Variants in B3GLCT observed in about 807,000 individuals in gnomAD.
The protein encoded by B3GLCT is beta 3-glucosyltransferase.
Under a neutral mutation model 63.4 loss-of-function variants are expected in B3GLCT, and 65 were observed. The ratio of observed to expected loss-of-function variants is 1.03; its 90% confidence interval spans 0.84 to 1.26. The LOEUF (loss-of-function observed/expected upper bound fraction) is 1.26. Among genes scored for constraint, B3GLCT ranks in the 50% most tolerant of loss-of-function variants. The probability of loss-of-function intolerance (pLI) is 0.00; values close to 1 mark genes in which losing one functional copy is unlikely to be tolerated. For synonymous variants in B3GLCT, 233 were observed against 219.2 expected, an observed-to-expected ratio of 1.06 and a Z score of -0.55; for missense variants, 577 against 604.8, an observed-to-expected ratio of 0.95 and a Z score of 0.48.
At chr13:31,277,797 C>G (rs1872871694) in intron 10 of B3GLCT, among the ~76,000 whole-genome samples, 1 of 152,060 alleles carries the variant, frequency 6.6e-6, no homozygotes, top group Non-Finnish European at 1.5e-5. Context: ...AATACATTAA[C>G]TATAAACCTT....
At chr13:31,266,154 C>T (rs567728296) in intron 7 of B3GLCT, among the ~76,000 whole-genome samples, 3 of 152,226 alleles carry the variant, frequency 2.0e-5, no homozygotes, top group East Asian at 3.9e-4. Context: ...CCCGCCACCA[C>T]ACCCGCCTAA....
chr13:31,267,316 G>A (rs1872372532), intron 7 of B3GLCT, among the ~76,000 whole-genome samples: 1 of 152,178 alleles, frequency 6.6e-6, no homozygotes, highest in Non-Finnish European at 1.5e-5. Flanking sequence ...AATAAGCCCG[G>A]GTATGACTTT....
chr13:31,210,178 G>T (rs1290890339), intron 1 of B3GLCT, among the ~76,000 whole-genome samples: 2 of 152,164 alleles, frequency 1.3e-5, no homozygotes, highest in Non-Finnish European at 2.9e-5. Context: ...CATGAAAAAG[G>T]TCTGATTTCT....
chr13:31,321,001 T>A (rs1335045410), intron 13 of B3GLCT, among the ~76,000 whole-genome samples: 1 of 152,260 alleles, frequency 6.6e-6, no homozygotes, highest in Non-Finnish European at 1.5e-5. Flanking sequence ...CAAACCATTA[T>A]CATTTAATTG....
At chr13:31,205,991 A>G (rs1868930244) in intron 1 of B3GLCT, among the ~76,000 whole-genome samples, 2 of 152,248 alleles carry the variant, frequency 1.3e-5, no homozygotes, top group Non-Finnish European at 2.9e-5. Context: ...AGCTGAAAAG[A>G]TGATATATTT....
chr13:31,245,305 A>ATT (rs1204456709), intron 4 of B3GLCT, among the ~76,000 whole-genome samples: 2 of 151,600 alleles, frequency 1.3e-5, no homozygotes, highest in Non-Finnish European at 2.9e-5. Context: ...TTGATATTAC[A>ATT]TTATATATAT....
At chr13:31,297,498 A>G (rs1279189481) in intron 12 of B3GLCT, among the ~76,000 whole-genome samples, 1 of 152,052 alleles carries the variant, frequency 6.6e-6, no homozygotes, top group Non-Finnish European at 1.5e-5. Context: ...TCACACTGCA[A>G]TAATCATCAA....
chr13:31,229,687 A>C (rs1360232189), intron 4 of B3GLCT, among the ~76,000 whole-genome samples: 1 of 151,826 alleles, frequency 6.6e-6, no homozygotes, highest in Non-Finnish European at 1.5e-5. Flanking sequence ...CAGAGGTTGC[A>C]GTGAGCCAAG....
At chr13:31,273,197 C>A (rs1872645284) in intron 8 of B3GLCT, among the ~76,000 whole-genome samples, 1 of 152,190 alleles carries the variant, frequency 6.6e-6, no homozygotes, top group Admixed American at 6.5e-5. Context: ...CGGGTTCAAG[C>A]AATTCTTCTG....
intron 4 of B3GLCT, among the ~76,000 whole-genome samples, chr13:31,240,901 G>A (rs1425483749): frequency 6.6e-6 from 1 of 152,080 alleles, no homozygotes; most frequent in East Asian, 1.9e-4. Context: ...TTTGGGCAGC[G>A]GCCTGGATAG....
chr13:31,215,168 TA>T, intron 2 of B3GLCT, 68 bp downstream of exon 2: 2 of 1,372,262 alleles, frequency 1.5e-6, no homozygotes, highest in Non-Finnish European at 2.1e-6. Flanking sequence ...CTGATAGGAA[TA>T]GTAATCATTT....
At chr13:31,322,412 G>A (rs1351481658) in intron 13 of B3GLCT, among the ~76,000 whole-genome samples, 1 of 152,182 alleles carries the variant, frequency 6.6e-6, no homozygotes, top group Admixed American at 6.5e-5. Context: ...TTTGTATATT[G>A]TATATTGAAG....
intron 12 of B3GLCT, among the ~76,000 whole-genome samples, chr13:31,291,644 T>G (rs1323452669): frequency 2.6e-5 from 4 of 152,220 alleles, no homozygotes; most frequent in Admixed American, 2.0e-4. Flanking sequence ...TAGGAATGCT[T>G]GTGATTTTCG....
chr13:31,279,424 A>C (rs958928084), intron 10 of B3GLCT, among the ~76,000 whole-genome samples: 4 of 152,074 alleles, frequency 2.6e-5, no homozygotes, highest in Admixed American at 6.5e-5. Flanking sequence ...TACAAAAGAG[A>C]GAAATTTTAA....
chr13:31,259,857 T>C (rs1178382678), intron 6 of B3GLCT, among the ~76,000 whole-genome samples: 1 of 152,066 alleles, frequency 6.6e-6, no homozygotes. Context: ...TACTATACTT[T>C]AAGTTTTAGG....
chr13:31,200,123 G>C lies in B3GLCT; in HGVS notation c.39G>C (p.Pro13=), dbSNP rs753313963. The C allele has an allele frequency of 2.0e-4, 270 of 1,375,024 alleles. No individual in the cohort carries two copies. In the African/African-American group the frequency reaches 3.8e-3, roughly 19 times the overall value. The allele number at this position is 1,375,024 out of a possible 1,614,324, so 85.2% of individuals were successfully genotyped here. Residue 13 remains proline (P), a synonymous_variant, in exon 1 of 15, where the codon CCG becomes CCC. Coordinates refer to ENST00000343307, the MANE Select transcript of B3GLCT (RefSeq NM_194318.4). ...PPACWWLLAP[P]ALLALLTCSL... is the part of the protein sequence containing the mutation. ...CCTGCTGGTGGCTGCTCGCGCCGCC[G>C]GCGCTGCTCGCGCTCCTCACCTGCT...
At chr13:31,302,641 CG>C (rs1331828118) in intron 12 of B3GLCT, among the ~76,000 whole-genome samples, 1 of 44,358 alleles carries the variant, frequency 2.3e-5, no homozygotes, top group African/African-American at 7.2e-5. Context: ...CGGCGCACCA[CG>C]AGACGATATC....
chr13:31,207,510 A>T (rs965070091), intron 1 of B3GLCT, among the ~76,000 whole-genome samples: 1 of 152,146 alleles, frequency 6.6e-6, no homozygotes, highest in African/African-American at 2.4e-5. Context: ...CAAAGTATGA[A>T]ATGATCTTTT....
intron 6 of B3GLCT, among the ~76,000 whole-genome samples, chr13:31,252,287 A>T (rs539046026): frequency 1.4e-4 from 22 of 152,354 alleles, no homozygotes; most frequent in African/African-American, 5.3e-4. Flanking sequence ...AAGACCATTG[A>T]TGCTATGAAG....
Sources: allele counts gnomAD v4.1 joint callset (sites outside exome capture counted in the v4.1 genomes callset), GRCh38; gene constraint gnomAD v4.1.1; transcripts MANE v1.5; gene names NCBI Gene and HGNC (gene_info 2026-07-23, HGNC 2026-07-21).